Variants in TCERG1L observed in about 807,000 individuals in gnomAD.
TCERG1L encodes the protein transcription elongation regulator 1-like protein.
A neutral mutation model predicts 56.3 loss-of-function variants in TCERG1L; 37 were observed. The observed-to-expected ratio is 0.66, with a 90% CI of 0.51 to 0.87. TCERG1L has a LOEUF of 0.87. Among genes scored for constraint, TCERG1L ranks in the 40% least tolerant of loss-of-function variants. The pLI is 0.00. For missense variants in TCERG1L, 799 were observed against 774.2 expected, an observed-to-expected ratio of 1.03 and a Z score of -0.38; for synonymous variants, 324 against 326.3, an observed-to-expected ratio of 0.99 and a Z score of 0.08.
At chr10:131,150,352 A>G (rs990154111) in intron 6 of TCERG1L, among the ~76,000 whole-genome samples, 2 of 152,286 alleles carry the variant, frequency 1.3e-5, no homozygotes, top group Non-Finnish European at 1.5e-5. Flanking sequence ...AGGCATCTCC[A>G]GTTCACTAAG....
At chr10:131,170,453 C>T (rs147767231) in intron 4 of TCERG1L, among the ~76,000 whole-genome samples, 6 of 152,092 alleles carry the variant, frequency 3.9e-5, no homozygotes, top group East Asian at 1.9e-4. Flanking sequence ...GAGAGAGGCA[C>T]GGCGGTAATA....
chr10:131,299,500 ATCTTTC>A (rs934895426), intron 3 of TCERG1L, among the ~76,000 whole-genome samples: 1 of 150,164 alleles, frequency 6.7e-6, no homozygotes, highest in African/African-American at 2.5e-5. Flanking sequence ...TTGAAGATAT[ATCTTTC>A]GAAGATATAT....
chr10:131,139,905 T>C lies in TCERG1L; in HGVS notation c.1190-5457A>G, dbSNP rs187577648. Among the ~76,000 whole-genome samples the C allele has an allele frequency of 6.6e-5, 10 of 152,266 alleles. No individual in the cohort carries two copies. In the East Asian group the frequency reaches 1.2e-3, roughly 18 times the overall value. ...GTGTGTGTCTGAGTGTGTTTGTAAG[T>C]CACTGAGTTCAGGGAATGTGGCTGG... On this transcript the variant is annotated intron_variant, in intron 7 of 11. Coordinates refer to ENST00000368642, the MANE Select transcript of TCERG1L (RefSeq NM_174937.4).
chr10:131,240,692 C>T (rs1235213124), intron 4 of TCERG1L, among the ~76,000 whole-genome samples: 1 of 152,184 alleles, frequency 6.6e-6, no homozygotes, highest in Non-Finnish European at 1.5e-5. Context: ...CTTCACAATC[C>T]CAGGGAAGGT....
intron 4 of TCERG1L, among the ~76,000 whole-genome samples, chr10:131,219,717 C>T (rs1453127336): frequency 6.6e-6 from 1 of 152,192 alleles, no homozygotes; most frequent in Non-Finnish European, 1.5e-5. Context: ...ATCCCTGGGG[C>T]GTTCGGGGCT....
intron 4 of TCERG1L, among the ~76,000 whole-genome samples, chr10:131,259,269 A>ATG (rs146148154): frequency 2.0e-5 from 3 of 152,138 alleles, no homozygotes; most frequent in African/African-American, 7.2e-5. Flanking sequence ...GTATATATTT[A>ATG]TGTGTGTGTG....
Position 131,311,446 on chromosome 10 carries a change from C to T in TCERG1L, c.190G>A (p.Ala64Thr), listed in dbSNP as rs1265256584. 2.6e-6 allele frequency: 3 copies of T among 1,175,258 alleles called. No homozygotes were observed. Among genetic ancestry groups the T allele is most frequent in the Non-Finnish European group, 3.1e-6 (3 of 953,132 alleles). The allele number at this position is 1,175,258 out of a possible 1,614,324, so 72.8% of individuals were successfully genotyped here. Residue 64 changes from alanine to threonine, a missense_variant, in exon 1 of 12, where the codon GCC becomes ACC. Transcript: ENST00000368642. The surrounding 1 kb of genome is among the most constrained non-coding windows in gnomAD (Gnocchi z 4.0). ...GGGGCCGCGGGCGGCGGGGCCGAGG[C>T]GAGCAGCACCGGGGGAACCACGACC... is the stretch of plus-strand genomic sequence containing the variant. ...AGVVVPPVLL[A>T]SAPPPAAPLL...
chr10:131,238,498 G>A (rs192321871), intron 4 of TCERG1L, among the ~76,000 whole-genome samples: 68 of 152,220 alleles, frequency 4.5e-4, no homozygotes, highest in Non-Finnish European at 6.8e-4. Flanking sequence ...AGCAGGGACC[G>A]GCTTTATTTC....
chr10:131,124,043 G>A (rs1458171994), intron 8 of TCERG1L, among the ~76,000 whole-genome samples: 1 of 152,190 alleles, frequency 6.6e-6, no homozygotes, highest in Non-Finnish European at 1.5e-5. Flanking sequence ...CTCCTGTAGA[G>A]TGGGGGACAC....
At position 131,166,878 on chromosome 10, in the gene TCERG1L, C is replaced by A. The variant is rs749378876; in HGVS notation, c.864G>T (p.Arg288Ser). Reference protein sequence around the residue: ...PLRTSPVSDTRTERGRVARPP... With the variant: ...PLRTSPVSDTSTERGRVARPP... ...GGCGGGCCACTCGGCCCCGCTCTGT[C>A]CTTGTATCTGTTGGGCCAAAGCAGT... is the stretch of plus-strand genomic sequence containing the variant. Residue 288 changes from arginine (R) to serine (S), a missense_variant, in exon 5 of 12, where the codon AGG becomes AGT. Physicochemically the swap from Arg to Ser is moderately radical, Grantham distance 110 (BLOSUM62 -1). Coordinates refer to ENST00000368642, the MANE Select transcript of TCERG1L (RefSeq NM_174937.4). 2 of 1,611,322 alleles carry A rather than the reference C, an allele frequency of 1.2e-6. No individual in the cohort carries two copies. Among genetic ancestry groups the A allele is most frequent in the Non-Finnish European group, 1.7e-6 (2 of 1,179,564 alleles).
chr10:131,194,592 T>C (rs148958237), intron 4 of TCERG1L, among the ~76,000 whole-genome samples: 2 of 152,362 alleles, frequency 1.3e-5, no homozygotes, highest in East Asian at 1.9e-4. Context: ...TTTTCTGTTA[T>C]ATTGAGAAAT....
At chr10:131,291,316 T>C (rs909740160) in intron 3 of TCERG1L, among the ~76,000 whole-genome samples, 4 of 150,786 alleles carry the variant, frequency 2.7e-5, no homozygotes, top group Admixed American at 2.0e-4. Flanking sequence ...ATTTCATATA[T>C]ATCTGTCTGG....
intron 4 of TCERG1L, among the ~76,000 whole-genome samples, chr10:131,252,363 A>G (rs1846121289): frequency 6.6e-6 from 1 of 152,172 alleles, no homozygotes; most frequent in East Asian, 1.9e-4. Context: ...ATGTTCGTTC[A>G]GAGCAACTGC....
chr10:131,194,183 T>C (rs1033775458), intron 4 of TCERG1L, among the ~76,000 whole-genome samples: 2 of 152,228 alleles, frequency 1.3e-5, no homozygotes, highest in Admixed American at 6.5e-5. Flanking sequence ...TTTTTGTTGC[T>C]CCATTCAACA....
intron 9 of TCERG1L, among the ~76,000 whole-genome samples, chr10:131,109,108 T>TG (rs1845384844): frequency 6.6e-6 from 1 of 152,196 alleles, no homozygotes. Flanking sequence ...GAACCCCATC[T>TG]GCCCAGCACG....
chr10:131,211,716 G>A (rs569812252), intron 4 of TCERG1L, among the ~76,000 whole-genome samples: 16 of 152,284 alleles, frequency 1.1e-4, no homozygotes, highest in African/African-American at 3.4e-4. Context: ...GGAAAGAAGC[G>A]GCTGGGCGGT....
chr10:131,168,850 T>C (rs1209035022), intron 4 of TCERG1L, among the ~76,000 whole-genome samples: 3 of 152,176 alleles, frequency 2.0e-5, no homozygotes, highest in African/African-American at 7.2e-5. Flanking sequence ...ACAAGAGGCC[T>C]GCCAAGGCCG....
chr10:131,146,052 G>T (rs1845790995), intron 7 of TCERG1L, among the ~76,000 whole-genome samples: 1 of 152,190 alleles, frequency 6.6e-6, no homozygotes, highest in East Asian at 1.9e-4. Flanking sequence ...CGTGACCAGG[G>T]TTTTATGGAA....
chr10:131,243,501 T>C (rs770064084), intron 4 of TCERG1L, among the ~76,000 whole-genome samples: 3 of 152,092 alleles, frequency 2.0e-5, no homozygotes, highest in Non-Finnish European at 2.9e-5. Flanking sequence ...GAGGCAGAGG[T>C]TGCAGTGAGC....
Sources: allele counts gnomAD v4.1 joint callset (sites outside exome capture counted in the v4.1 genomes callset), GRCh38; gene constraint gnomAD v4.1.1; non-coding constraint Gnocchi (gnomAD v3.1); transcripts MANE v1.5; gene names NCBI Gene and HGNC (gene_info 2026-07-23, HGNC 2026-07-21).